Variants in DSCAM observed in about 807,000 individuals in gnomAD.
DSCAM encodes DS cell adhesion molecule, also known as cell adhesion molecule DSCAM.
A neutral mutation model predicts 217.7 loss-of-function variants in DSCAM; 47 were observed. That is an observed-to-expected ratio of 0.22 (90% CI 0.17 to 0.28). DSCAM has a LOEUF of 0.28. DSCAM is among the 10% of genes least tolerant of loss of function. The pLI, the probability that DSCAM is intolerant of heterozygous loss-of-function variation, is 1.00. For synonymous variants in DSCAM, 1,056 were observed against 1,015.3 expected (o/e 1.04, Z -0.76); for missense variants, 2,080 against 2,618.3 (o/e 0.79, Z 4.49).
chr21:40,090,982 A>G (rs2089601534), intron 21 of DSCAM, among the ~76,000 whole-genome samples: 1 of 152,002 alleles, frequency 6.6e-6, no homozygotes, highest in Non-Finnish European at 1.5e-5. Context: ...CATTCTTGCT[A>G]TCTCCTTCTC....
chr21:40,640,946 T>C (rs7280238), intron 3 of DSCAM, among the ~76,000 whole-genome samples: 138,701 of 152,224 alleles, frequency 0.91, 63,319 homozygotes, highest in African/African-American at 0.95. Context: ...TTTAGGAAAT[T>C]ATTCCTACTT....
chr21:40,335,878 C>T (rs1315791752), intron 8 of DSCAM, among the ~76,000 whole-genome samples: 1 of 152,094 alleles, frequency 6.6e-6, no homozygotes, highest in Non-Finnish European at 1.5e-5. Context: ...GAGCAAAAGC[C>T]ATGGTGGGTG....
chr21:40,095,323 CT>C (rs2089662575), intron 20 of DSCAM, among the ~76,000 whole-genome samples: 1 of 152,144 alleles, frequency 6.6e-6, no homozygotes, highest in African/African-American at 2.4e-5. Flanking sequence ...TGAGATTTGG[CT>C]GGGGACATGG....
At chr21:40,687,970 T>C (rs939052505) in intron 3 of DSCAM, among the ~76,000 whole-genome samples, 6 of 152,168 alleles carry the variant, frequency 3.9e-5, no homozygotes, top group African/African-American at 1.4e-4. Context: ...AGTGGTTGGT[T>C]TATGTCCTTT....
At chr21:40,251,354 G>GA (rs201744614) in intron 11 of DSCAM, among the ~76,000 whole-genome samples, 9 of 150,144 alleles carry the variant, frequency 6.0e-5, no homozygotes, top group African/African-American at 1.5e-4. Flanking sequence ...TTAGCAGAGA[G>GA]AAAAAAAAAT....
chr21:40,782,963 T>A (rs2091562110), intron 1 of DSCAM, among the ~76,000 whole-genome samples: 1 of 152,190 alleles, frequency 6.6e-6, no homozygotes, highest in African/African-American at 2.4e-5. Context: ...TCATCTACCT[T>A]CATGAAACAT....
At chr21:40,684,612 T>G (rs2146433007) in intron 3 of DSCAM, among the ~76,000 whole-genome samples, 1 of 152,364 alleles carries the variant, frequency 6.6e-6, no homozygotes, top group African/African-American at 2.4e-5. Context: ...TCACACTGAC[T>G]TCTTGAGTAG....
At chr21:40,782,001 A>AAAG (rs2091549870) in intron 1 of DSCAM, among the ~76,000 whole-genome samples, 2 of 149,310 alleles carry the variant, frequency 1.3e-5, no homozygotes, top group Non-Finnish European at 3.0e-5. Context: ...ACAAAAAAAA[A>AAAG]AAAAAAAAAG....
At chr21:40,699,808 T>C (rs1320858728) in intron 2 of DSCAM, among the ~76,000 whole-genome samples, 1 of 152,212 alleles carries the variant, frequency 6.6e-6, no homozygotes, top group South Asian at 2.1e-4. Context: ...GCAATCTTTA[T>C]AACATACAAA....
intron 11 of DSCAM, among the ~76,000 whole-genome samples, chr21:40,241,836 G>A (rs141060871): frequency 1.2e-4 from 19 of 152,310 alleles, no homozygotes; most frequent in African/African-American, 3.1e-4. Context: ...ATGAGATCAC[G>A]TCTTTTGTAG....
chr21:40,175,954 A>G (rs7278294), intron 15 of DSCAM, among the ~76,000 whole-genome samples: 68,501 of 151,126 alleles, frequency 0.45, 17,006 homozygotes, highest in African/African-American at 0.67. Context: ...AATTGTAAGC[A>G]CATATGCCCC....
chr21:40,154,580 C>T (rs1263737939), intron 16 of DSCAM, among the ~76,000 whole-genome samples: 1 of 152,108 alleles, frequency 6.6e-6, no homozygotes, highest in Non-Finnish European at 1.5e-5. Context: ...GTTCATATAT[C>T]TCTCCTTAGA....
chr21:40,744,519 G>C (rs563554161), intron 1 of DSCAM, among the ~76,000 whole-genome samples: 1 of 152,182 alleles, frequency 6.6e-6, no homozygotes, highest in East Asian at 1.9e-4. Context: ...TCCCAGACCA[G>C]GAAACAATAG....
intron 1 of DSCAM, among the ~76,000 whole-genome samples, chr21:40,749,087 C>T (rs1569017075): frequency 6.6e-6 from 1 of 151,946 alleles, no homozygotes; most frequent in Non-Finnish European, 1.5e-5. Context: ...CAAATAAGAT[C>T]AGAGGCTTAA....
intron 3 of DSCAM, among the ~76,000 whole-genome samples, chr21:40,550,752 A>C (rs1216787256): frequency 6.6e-6 from 1 of 152,208 alleles, no homozygotes; most frequent in Non-Finnish European, 1.5e-5. Flanking sequence ...AGCCTCCAGA[A>C]CCATAATATG....
At chr21:40,080,117 A>C in intron 25 of DSCAM, 35 bp downstream of exon 25, 1 of 1,451,848 alleles carries the variant, frequency 6.9e-7, no homozygotes, top group South Asian at 1.2e-5. Flanking sequence ...CGGGAAAAGA[A>C]AGGATATTAA....
chr21:40,828,244 A>G (rs1330849737), intron 1 of DSCAM, among the ~76,000 whole-genome samples: 1 of 152,198 alleles, frequency 6.6e-6, no homozygotes, highest in Non-Finnish European at 1.5e-5. Context: ...TTCTATAAAA[A>G]TAAATAAATA....
intron 22 of DSCAM, among the ~76,000 whole-genome samples, chr21:40,086,603 A>G (rs1273279001): frequency 6.6e-6 from 1 of 152,224 alleles, no homozygotes; most frequent in African/African-American, 2.4e-5. Flanking sequence ...TCTCCTGAAT[A>G]GAGATATAGC....
intron 1 of DSCAM, among the ~76,000 whole-genome samples, chr21:40,793,816 A>G (rs1283992053): frequency 1.3e-5 from 2 of 152,148 alleles, no homozygotes; most frequent in African/African-American, 4.8e-5. Context: ...TATAGGCCCA[A>G]CAAACTCAAA....
Sources: allele counts gnomAD v4.1 joint callset (sites outside exome capture counted in the v4.1 genomes callset), GRCh38; gene constraint gnomAD v4.1.1; transcripts MANE v1.5; gene names NCBI Gene and HGNC (gene_info 2026-07-23, HGNC 2026-07-21).